Variants in SCAPER observed in about 807,000 individuals in gnomAD.
The protein encoded by SCAPER is S phase cyclin A-associated protein in the endoplasmic reticulum.
A neutral mutation model predicts 182.2 loss-of-function variants in SCAPER; 98 were observed. The ratio of observed to expected loss-of-function variants is 0.54; its 90% CI spans 0.46 to 0.64. The LOEUF (loss-of-function observed/expected upper bound fraction) is 0.64, where lower values mean the gene tolerates loss of function less well. SCAPER is among the 30% of genes least tolerant of loss of function. The pLI, the probability that SCAPER is intolerant of heterozygous loss-of-function variation, is 0.00. For missense variants in SCAPER, 1,432 were observed against 1,690.0 expected (o/e 0.85, Z 2.68); for synonymous variants, 605 against 564.6 (o/e 1.07, Z -1.01).
chr15:76,751,548 G>T (rs2062083280), intron 15 of SCAPER, among the ~76,000 whole-genome samples: 1 of 151,752 alleles, frequency 6.6e-6, no homozygotes, highest in South Asian at 2.1e-4. Context: ...CTATGGAATA[G>T]AACACGGGGC....
intron 20 of SCAPER, among the ~76,000 whole-genome samples, chr15:76,695,764 A>C (rs528474068): frequency 2.0e-5 from 3 of 152,214 alleles, no homozygotes; most frequent in Non-Finnish European, 4.4e-5. Flanking sequence ...GAAAACTTAG[A>C]ATATATAAAT....
intron 25 of SCAPER, among the ~76,000 whole-genome samples, chr15:76,461,499 TTC>T (rs2049173120): frequency 6.6e-6 from 1 of 152,118 alleles, no homozygotes; most frequent in Non-Finnish European, 1.5e-5. Context: ...TTTTCTGTTT[TTC>T]ATCATTCTTT....
At chr15:76,652,351 CACACACACACACACACACACATATAT>C (rs2055192590) in intron 21 of SCAPER, among the ~76,000 whole-genome samples, 1 of 27,708 alleles carries the variant, frequency 3.6e-5, no homozygotes, top group African/African-American at 1.8e-4. Context: ...TATACACACA[CACACACACACACACACACACATATAT>C]ATATATATAT....
intron 29 of SCAPER, among the ~76,000 whole-genome samples, chr15:76,366,157 G>T (rs2041807326): frequency 6.6e-6 from 1 of 151,938 alleles, no homozygotes; most frequent in African/African-American, 2.4e-5. Context: ...AGACTAACGG[G>T]ATATGTGCAT....
Position 76,771,828 on chromosome 15 carries a change from T to G in SCAPER, c.1162A>C (p.Thr388Pro). Residue 388 changes from threonine (T) to proline (P), a missense_variant, in exon 10 of 32, where the codon ACA (threonine) becomes CCA (proline). Thr to Pro is a conservative substitution (Grantham distance 38). Transcript: ENST00000563290. ...TCTTCATTTACTTGTAAAGGAGGTG[T>G]ACCAGCTTGCAGCATAACTGAAACA... ...ECVSVMLQAGTPPLQVNEEKF... is the reference protein window; with the variant it reads ...ECVSVMLQAGPPPLQVNEEKF... The G allele has an allele frequency of 6.2e-7, 1 of 1,613,258 alleles. No homozygotes were observed. The highest frequency in any genetic ancestry group is 2.2e-5 in the East Asian group (1 of 44,816).
At chr15:76,396,464 C>T (rs924092147) in intron 27 of SCAPER, among the ~76,000 whole-genome samples, 2 of 152,066 alleles carry the variant, frequency 1.3e-5, no homozygotes, top group African/African-American at 4.8e-5. Flanking sequence ...GAACATGAAA[C>T]AGTTTTCTAT....
At chr15:76,712,504 A>G (rs1159989120) in intron 17 of SCAPER, among the ~76,000 whole-genome samples, 2 of 152,180 alleles carry the variant, frequency 1.3e-5, no homozygotes, top group Non-Finnish European at 1.5e-5. Flanking sequence ...TGGGGATGGC[A>G]CTGAATCTAT....
At position 76,733,252 on chromosome 15, in the gene SCAPER, G is replaced by C; in HGVS notation, c.1999C>G (p.Gln667Glu). Residue 667 changes from glutamine (Q) to glutamate (E), a missense_variant, in exon 16 of 32, where the codon CAA becomes GAA. Around this residue, in one of 5 missense-constraint regions of SCAPER, gnomAD observed 88 missense variants for 184.2 expected, o/e 0.48. Coordinates refer to ENST00000563290, the MANE Select transcript of SCAPER (RefSeq NM_020843.4). Reference sequence around the variant, plus strand: ...ACCTGCACAGCTTCATCACGTGCTTGCTTTTCTTCCTGTCTTCTCTGACGC... The same window carrying C: ...ACCTGCACAGCTTCATCACGTGCTTCCTTTTCTTCCTGTCTTCTCTGACGC... Reference protein sequence around the residue: ...EERQRRQEEKQARDEAVQERK... With the variant: ...EERQRRQEEKEARDEAVQERK... 1 of 1,586,088 alleles carries C rather than the reference G, an allele frequency of 6.3e-7. No individual in the cohort carries two copies. The highest frequency in any genetic ancestry group is 8.6e-7 in the Non-Finnish European group (1 of 1,165,308).
At chr15:76,608,809 A>T (rs532801306) in intron 22 of SCAPER, among the ~76,000 whole-genome samples, 1 of 152,296 alleles carries the variant, frequency 6.6e-6, no homozygotes, top group Non-Finnish European at 1.5e-5. Context: ...CCGTTGGGGT[A>T]GGACCCTCTG....
At chr15:76,359,089 T>C (rs2041210465) in intron 29 of SCAPER, among the ~76,000 whole-genome samples, 2 of 152,180 alleles carry the variant, frequency 1.3e-5, no homozygotes, top group South Asian at 4.1e-4. Context: ...CAGAACAATG[T>C]TAGTTATGAG....
At chr15:76,495,278 G>A (rs1277934677) in intron 24 of SCAPER, among the ~76,000 whole-genome samples, 1 of 151,992 alleles carries the variant, frequency 6.6e-6, no homozygotes, top group Non-Finnish European at 1.5e-5. Context: ...GAGGGAGAGA[G>A]GAATAAGAGA....
At chr15:76,840,567 TTTGA>T (rs1409557550) in intron 5 of SCAPER, among the ~76,000 whole-genome samples, 1 of 152,218 alleles carries the variant, frequency 6.6e-6, no homozygotes. Context: ...TAAAACCTAT[TTTGA>T]CTGTTTCCAA....
rs764864981 is a variant in SCAPER at position 76,652,371 on chromosome 15, C to CACATATATATATAT, written c.2645+13281_2645+13282insATATATATATATGT. ...ACACACACACACACACACACACACA[C>CACATATATATATAT]ATATATATATATATATATATATATA... On this transcript the variant is annotated intron_variant, in intron 21 of 31. Transcript: ENST00000563290. Among the ~76,000 whole-genome samples the CACATATATATATAT allele has an allele frequency of 3.2e-3, 26 of 8,046 alleles. 1 individual carries two copies. The highest frequency in any genetic ancestry group is 4.7e-3 in the Non-Finnish European group (22 of 4,668). 5.3% of individuals were successfully genotyped at this position (8,046 alleles called of 152,430 possible).
chr15:76,533,006 C>T (rs1383429435), intron 23 of SCAPER, among the ~76,000 whole-genome samples: 1 of 152,170 alleles, frequency 6.6e-6, no homozygotes, highest in African/African-American at 2.4e-5. Flanking sequence ...TTAGAAACTA[C>T]AGTTTTGTAG....
At chr15:76,723,473 T>A (rs2060387232) in intron 17 of SCAPER, among the ~76,000 whole-genome samples, 1 of 152,182 alleles carries the variant, frequency 6.6e-6, no homozygotes, top group South Asian at 2.1e-4. Context: ...TGAGTTCAAT[T>A]CCTGGATATC....
intron 20 of SCAPER, among the ~76,000 whole-genome samples, chr15:76,667,740 G>T (rs987963229): frequency 1.3e-5 from 2 of 150,988 alleles, no homozygotes; most frequent in Admixed American, 1.3e-4. Context: ...ATCACTTGAG[G>T]GCAAGAGTTC....
At chr15:76,394,643 A>G (rs1319690574) in intron 27 of SCAPER, among the ~76,000 whole-genome samples, 1 of 152,178 alleles carries the variant, frequency 6.6e-6, no homozygotes, top group Non-Finnish European at 1.5e-5. Flanking sequence ...GTGCTCCCAA[A>G]TATGGTTCTT....
intron 23 of SCAPER, among the ~76,000 whole-genome samples, chr15:76,519,455 A>G (rs568209762): frequency 5.9e-5 from 9 of 152,334 alleles, no homozygotes; most frequent in Admixed American, 5.9e-4. Context: ...GGAATCAGGT[A>G]GAAAGACCAT....
Position 76,784,210 on chromosome 15 carries a change from G to A in SCAPER, c.773-9093C>T, listed in dbSNP as rs188201320. Among the ~76,000 whole-genome samples, 187 of 152,120 alleles carry A rather than the reference G, an allele frequency of 1.2e-3. 2 individuals are homozygous for A. Among genetic ancestry groups the A allele is most frequent in the African/African-American group, 4.0e-3 (166 of 41,504 alleles). On this transcript the variant is annotated intron_variant, in intron 8 of 31. Transcript: ENST00000563290. ...GCCTCAGGATATAAAATCAAGGTGC[G>A]AAAACCACAGGCATTCCCTATACAC...
Sources: allele counts gnomAD v4.1 joint callset (sites outside exome capture counted in the v4.1 genomes callset), GRCh38; gene constraint gnomAD v4.1.1; regional missense constraint gnomAD v4.1.1; transcripts MANE v1.5; gene names NCBI Gene and HGNC (gene_info 2026-07-23, HGNC 2026-07-21).